Variants in CACNA2D3 observed in about 807,000 individuals in gnomAD.
CACNA2D3 encodes the protein calcium voltage-gated channel auxiliary subunit alpha2delta 3.
In CACNA2D3, 60 loss-of-function variants were observed where a neutral mutation model predicts 160.6. That is an observed-to-expected ratio of 0.37 (90% CI 0.30 to 0.46). The LOEUF is 0.46. CACNA2D3 is among the 20% of genes least tolerant of loss of function. CACNA2D3 has a pLI of 1.00. For missense variants in CACNA2D3, 1,205 were observed against 1,365.0 expected, an observed-to-expected ratio of 0.88 and a Z score of 1.85; for synonymous variants, 558 against 492.9, an observed-to-expected ratio of 1.13 and a Z score of -1.75.
intron 2 of CACNA2D3, among the ~76,000 whole-genome samples, chr3:54,275,713 G>T (rs920830679): frequency 6.6e-6 from 1 of 152,144 alleles, no homozygotes; most frequent in Admixed American, 6.5e-5. Flanking sequence ...CGCCTTCTGG[G>T]TTCAAGCAGT....
At chr3:54,737,116 C>A (rs936180144) in intron 11 of CACNA2D3, among the ~76,000 whole-genome samples, 1 of 151,752 alleles carries the variant, frequency 6.6e-6, no homozygotes, top group African/African-American at 2.4e-5. Flanking sequence ...TATGGATTAG[C>A]AGTTGGGAAA....
intron 11 of CACNA2D3, among the ~76,000 whole-genome samples, chr3:54,738,230 G>A (rs1026889461): frequency 1.2e-4 from 18 of 152,194 alleles, no homozygotes; most frequent in Non-Finnish European, 2.6e-4. Flanking sequence ...TGCTCTGAAA[G>A]AGTGAGTTTC....
chr3:54,833,901 G>T (rs1426871894), intron 14 of CACNA2D3, among the ~76,000 whole-genome samples: 1 of 152,152 alleles, frequency 6.6e-6, no homozygotes, highest in Admixed American at 6.5e-5. Context: ...TCAAATTGGG[G>T]CCAGAACTGC....
chr3:54,906,494 C>T (rs926388314), intron 27 of CACNA2D3, among the ~76,000 whole-genome samples: 3 of 152,178 alleles, frequency 2.0e-5, no homozygotes, highest in Non-Finnish European at 4.4e-5. Context: ...CAAAGATATA[C>T]AGGAAGAGTA....
chr3:54,720,551 G>T (rs568922355), intron 11 of CACNA2D3, among the ~76,000 whole-genome samples: 1 of 151,722 alleles, frequency 6.6e-6, no homozygotes, highest in South Asian at 2.1e-4. Context: ...TTGAGCACTT[G>T]TAAAAAAAAA....
rs149780916 is a variant in CACNA2D3, at chr3:54,950,787, A to G, written c.2450-17663A>G. 5.7e-3 allele frequency among the ~76,000 whole-genome samples: 868 copies of G among 152,284 alleles called. 2 individuals carry two copies. The highest frequency in any genetic ancestry group is 0.01 in the South Asian group (49 of 4,814). On this transcript the variant is annotated intron_variant, in intron 27 of 37. Transcript: ENST00000474759. ...ATATCTTGCACCTTGATCGGGGCCAAAATAAACGGGAAGGGACGCACAGAG... is the reference window on the plus strand; with the variant it reads ...ATATCTTGCACCTTGATCGGGGCCAGAATAAACGGGAAGGGACGCACAGAG...
intron 11 of CACNA2D3, among the ~76,000 whole-genome samples, chr3:54,644,686 C>T (rs1699600053): frequency 1.3e-5 from 2 of 152,210 alleles, no homozygotes; most frequent in African/African-American, 4.8e-5. Flanking sequence ...AACAGTAGTT[C>T]TCAAACTTGA....
intron 31 of CACNA2D3, among the ~76,000 whole-genome samples, chr3:54,994,827 C>G (rs1338414179): frequency 6.6e-6 from 1 of 152,234 alleles, no homozygotes; most frequent in Non-Finnish European, 1.5e-5. Flanking sequence ...TCATGTCTCT[C>G]AGATTCCAGA....
chr3:55,004,206 C>G (rs1006378601), intron 31 of CACNA2D3, among the ~76,000 whole-genome samples: 2 of 152,224 alleles, frequency 1.3e-5, no homozygotes, highest in Non-Finnish European at 2.9e-5. Flanking sequence ...AAGGTACATT[C>G]ACTCTTATGG....
intron 3 of CACNA2D3, among the ~76,000 whole-genome samples, chr3:54,350,986 G>GTTTTTTTTTTT (rs796392854): frequency 3.9e-4 from 26 of 65,950 alleles, no homozygotes; most frequent in Non-Finnish European, 5.1e-4. Flanking sequence ...TTTTTTGTTT[G>GTTTTTTTTTTT]TTTTTTTTTT....
At chr3:54,798,420 C>T (rs1366913624) in intron 13 of CACNA2D3, among the ~76,000 whole-genome samples, 4 of 152,072 alleles carry the variant, frequency 2.6e-5, no homozygotes, top group Admixed American at 2.0e-4. Context: ...CCTGTAGTCC[C>T]AGCTACTCAG....
At chr3:54,374,695 T>C (rs1247046354) in intron 3 of CACNA2D3, among the ~76,000 whole-genome samples, 1 of 152,158 alleles carries the variant, frequency 6.6e-6, no homozygotes, top group Non-Finnish European at 1.5e-5. Flanking sequence ...AAGCTATAGG[T>C]TGGTGAAAAA....
At chr3:54,400,882 C>G (rs1367161519) in intron 4 of CACNA2D3, among the ~76,000 whole-genome samples, 1 of 151,990 alleles carries the variant, frequency 6.6e-6, no homozygotes, top group Non-Finnish European at 1.5e-5. Flanking sequence ...CAATAATTCT[C>G]TAGTAACTTA....
intron 4 of CACNA2D3, among the ~76,000 whole-genome samples, chr3:54,449,737 C>T (rs1012423944): frequency 6.6e-6 from 1 of 152,164 alleles, no homozygotes; most frequent in African/African-American, 2.4e-5. Context: ...GCCTCACTCC[C>T]CTTTTGCCTT....
chr3:54,621,439 AGCT>A (rs1322201533), intron 9 of CACNA2D3, among the ~76,000 whole-genome samples: 1 of 152,228 alleles, frequency 6.6e-6, no homozygotes, highest in Non-Finnish European at 1.5e-5. Context: ...CCAGGCATTA[AGCT>A]GCACTAATTG....
At chr3:54,201,348 G>C (rs951930118) in intron 2 of CACNA2D3, among the ~76,000 whole-genome samples, 1 of 152,146 alleles carries the variant, frequency 6.6e-6, no homozygotes. Context: ...AACAATTAGA[G>C]CCATGATGGG....
chr3:55,064,936 C>T (rs567404018), intron 35 of CACNA2D3, among the ~76,000 whole-genome samples: 1 of 152,254 alleles, frequency 6.6e-6, no homozygotes, highest in Non-Finnish European at 1.5e-5. Flanking sequence ...GAGAACACTT[C>T]CTTCGTTCCA....
intron 3 of CACNA2D3, among the ~76,000 whole-genome samples, chr3:54,321,415 G>A (rs905060207): frequency 1.3e-5 from 2 of 152,058 alleles, no homozygotes; most frequent in African/African-American, 4.8e-5. Context: ...CTGAGTAGCT[G>A]GGGCTACAGG....
chr3:54,205,740 T>TG (rs1559881943), intron 2 of CACNA2D3, among the ~76,000 whole-genome samples: 1 of 152,144 alleles, frequency 6.6e-6, no homozygotes, highest in East Asian at 1.9e-4. Flanking sequence ...GGGGCTGGAA[T>TG]GGGGTGATGC....
Sources: gnomAD v4.1 joint callset for allele counts (sites outside exome capture counted in the v4.1 genomes callset) on GRCh38, gnomAD v4.1.1 for gene constraint, MANE v1.5 for transcripts, NCBI Gene and HGNC (gene_info 2026-07-23, HGNC 2026-07-21) for gene names.